Variants in CD109 observed in about 807,000 individuals in gnomAD.
The protein encoded by CD109 is CD109 molecule, also known as CD109 antigen.
A neutral mutation model predicts 165.8 loss-of-function variants in CD109; 149 were observed. The ratio of observed to expected loss-of-function variants is 0.90; its 90% confidence interval spans 0.79 to 1.03. The LOEUF (loss-of-function observed/expected upper bound fraction) is 1.03. Among genes scored for constraint, CD109 ranks in the 50% least tolerant of loss-of-function variants. The probability of loss-of-function intolerance (pLI) is 0.00; values close to 1 mark genes in which losing one functional copy is unlikely to be tolerated. For synonymous variants in CD109, 585 were observed against 592.1 expected (o/e 0.99, Z 0.18); for missense variants, 1,712 against 1,677.8 (o/e 1.02, Z -0.36).
At chr6:73,698,377 C>G (rs1770935557) in intron 2 of CD109, among the ~76,000 whole-genome samples, 1 of 151,740 alleles carries the variant, frequency 6.6e-6, no homozygotes, top group African/African-American at 2.4e-5. Context: ...TAGAGACAAG[C>G]TCTCACCATG....
intron 30 of CD109, 93 bp downstream of exon 30, chr6:73,815,216 T>G: frequency 9.4e-7 from 1 of 1,060,020 alleles, no homozygotes; most frequent in Non-Finnish European, 1.3e-6. Flanking sequence ...AATCTAAGAG[T>G]TATATTGAAC....
chr6:73,806,669 C>CT (rs1020026386), intron 24 of CD109, among the ~76,000 whole-genome samples, 175 bp from the exon 25 acceptor site: 2 of 152,140 alleles, frequency 1.3e-5, no homozygotes, highest in African/African-American at 4.8e-5. Context: ...AGTTGCTTAC[C>CT]TTGTCCCTTT....
chr6:73,782,987 T>C (rs2150252674), intron 18 of CD109, among the ~76,000 whole-genome samples: 1 of 152,280 alleles, frequency 6.6e-6, no homozygotes, highest in East Asian at 1.9e-4. Context: ...CCTTTTTTTT[T>C]TTTTTTAACT....
upstream of CD109, among the ~76,000 whole-genome samples, chr6:73,692,664 C>A (rs755456652): frequency 3.3e-5 from 5 of 152,164 alleles, no homozygotes; most frequent in East Asian, 9.6e-4. Context: ...TGAATTGCAG[C>A]TCTCATAATT....
chr6:73,695,954 T>G, upstream of CD109: 2 of 461,168 alleles, frequency 4.3e-6, no homozygotes, highest in Non-Finnish European at 3.9e-6. Flanking sequence ...CCGCCTGCGT[T>G]TAGCAACTGC....
In CD109 at chr6:73,785,389, T is replaced by C; in HGVS notation, c.2249T>C (p.Ile750Thr). The stretch of plus-strand genomic sequence containing the variant: ...CTCCAAGCCTTCCAACCATTTTTCA[T>C]TTTTTTGAATCTTCCCTACTCTGTT... ...VELQAFQPFFIFLNLPYSVIR... is the reference protein window; with the variant it reads ...VELQAFQPFFTFLNLPYSVIR... Residue 750 changes from isoleucine (I) to threonine (T), a missense_variant, in exon 20 of 33, where the codon ATT becomes ACT. Transcript: ENST00000287097. The C allele has an allele frequency of 6.2e-7, 1 of 1,601,586 alleles. No individual in the cohort carries two copies. Among genetic ancestry groups the C allele is most frequent in the East Asian group, 2.2e-5 (1 of 44,614 alleles).
intron 5 of CD109, among the ~76,000 whole-genome samples, chr6:73,750,785 A>G (rs1304492079): frequency 6.6e-6 from 1 of 152,192 alleles, no homozygotes; most frequent in Non-Finnish European, 1.5e-5. Context: ...GAGGTTGAAC[A>G]TTTATTACTT....
chr6:73,741,218 T>C (rs945700098), intron 5 of CD109, among the ~76,000 whole-genome samples: 15 of 152,250 alleles, frequency 9.9e-5, no homozygotes, highest in Admixed American at 9.2e-4. Flanking sequence ...CTTTTTGTGC[T>C]ACTTATACGT....
At chr6:73,763,297 C>A (rs1032002864) in intron 9 of CD109, among the ~76,000 whole-genome samples, 1 of 152,170 alleles carries the variant, frequency 6.6e-6, no homozygotes, top group Non-Finnish European at 1.5e-5. Flanking sequence ...TTTAGCCAAT[C>A]CCTGAAAGAG....
At chr6:73,802,587 A>G (rs1775407230) in intron 23 of CD109, among the ~76,000 whole-genome samples, 1 of 152,038 alleles carries the variant, frequency 6.6e-6, no homozygotes, top group Admixed American at 6.6e-5. Context: ...GATGAACACT[A>G]GACAGTTAAA....
Position 73,810,066 on chromosome 6 carries a change from CT to C in CD109, c.3439del (p.Tyr1147MetfsTer19), listed in dbSNP as rs762647594. ...PRSLDIEVAA[Y>X]ALLSHFLQFQ... Reference sequence around the variant, plus strand: ...GCTCCCTGGATATTGAAGTTGCAGCCTATGCACTGCTCTCACACTTCTTACA... The same window carrying C: ...GCTCCCTGGATATTGAAGTTGCAGCCATGCACTGCTCTCACACTTCTTACA... On this transcript the variant is annotated frameshift_variant, in exon 27 of 33. Transcript: ENST00000287097. LOFTEE classifies it high-confidence loss of function. 1.9e-6 allele frequency: 3 copies of C among 1,609,508 alleles called. No homozygotes were observed.
chr6:73,720,360 A>G (rs545182428), intron 2 of CD109, among the ~76,000 whole-genome samples: 8 of 152,318 alleles, frequency 5.3e-5, no homozygotes, highest in African/African-American at 1.7e-4. Context: ...CCAGAAGTGA[A>G]AGGAATGGGG....
intron 4 of CD109, among the ~76,000 whole-genome samples, chr6:73,733,099 C>A (rs542097008): frequency 6.6e-6 from 1 of 152,316 alleles, no homozygotes; most frequent in East Asian, 1.9e-4. Flanking sequence ...AATGTGAACT[C>A]TTTCAGCTGA....
chr6:73,695,524 T>C (rs1386407794), upstream of CD109: 1 of 147,060 alleles, frequency 6.8e-6, no homozygotes, highest in East Asian at 1.9e-4. Flanking sequence ...ACGTCTGCAG[T>C]GCGAGTTCTC....
chr6:73,698,404 C>T (rs1172880222), intron 2 of CD109, among the ~76,000 whole-genome samples: 8 of 151,924 alleles, frequency 5.3e-5, no homozygotes, highest in Admixed American at 3.3e-4. Flanking sequence ...AGGCTGGTCT[C>T]GAACTCCTAA....
chr6:73,703,398 G>C (rs1771151293), intron 2 of CD109, among the ~76,000 whole-genome samples: 1 of 152,212 alleles, frequency 6.6e-6, no homozygotes, highest in Non-Finnish European at 1.5e-5. Context: ...TAGAGTTTTG[G>C]AGCTGGAGGG....
chr6:73,682,641 C>G, the CD109 span, among the ~76,000 whole-genome samples: 1 of 152,252 alleles, frequency 6.6e-6, no homozygotes, highest in Non-Finnish European at 1.5e-5. Context: ...AGTAGGGAAT[C>G]TGTGTGGGGG....
rs1266759664 is a variant in CD109, at chr6:73,785,446, C to T, written c.2306C>T (p.Thr769Ile). 3 of 1,592,914 alleles carry T rather than the reference C, an allele frequency of 1.9e-6. No individual in the cohort carries two copies. Among genetic ancestry groups the T allele is most frequent in the East Asian group, 4.5e-5 (2 of 44,686 alleles). Reference sequence around the variant, plus strand: ...GGTGAAGAATTTGCTTTGGAAATAACTATATTCAATTATTTGAAAGATGCC... The same window carrying T: ...GGTGAAGAATTTGCTTTGGAAATAATTATATTCAATTATTTGAAAGATGCC... The part of the protein sequence containing the change: ...IRGEEFALEI[T>I]IFNYLKDATE... The change falls in exon 20 of 33, where the codon ACT (threonine) becomes ATT (isoleucine). Residue 769 changes from threonine to isoleucine, a missense_variant. By Grantham distance (89) the Thr-to-Ile change is moderately conservative. Transcript: ENST00000287097.
chr6:73,778,127 C>T (rs1198203878), intron 15 of CD109, among the ~76,000 whole-genome samples: 1 of 152,074 alleles, frequency 6.6e-6, no homozygotes, highest in Non-Finnish European at 1.5e-5. Flanking sequence ...CTTTTACCTC[C>T]CTAGTTAGCT....
Sources: gnomAD v4.1 joint callset for allele counts (sites outside exome capture counted in the v4.1 genomes callset) on GRCh38, gnomAD v4.1.1 for gene constraint, MANE v1.5 for transcripts, NCBI Gene and HGNC (gene_info 2026-07-23, HGNC 2026-07-21) for gene names.